Variants in SYNE1 observed in about 807,000 individuals in gnomAD.
SYNE1 encodes spectrin repeat containing nuclear envelope protein 1, also known as nesprin-1.
SYNE1 carries 616 observed loss-of-function variants against 1,111.0 expected under a neutral mutation model. That is an observed-to-expected ratio of 0.55 (90% CI 0.52 to 0.59). The LOEUF is 0.59. SYNE1 is among the 20% of genes least tolerant of loss of function. The pLI is 0.00. For missense variants in SYNE1, 10,006 were observed against 10,417.0 expected (o/e 0.96, Z 1.72); for synonymous variants, 3,855 against 3,825.8 (o/e 1.01, Z -0.28).
chr6:152,415,159 G>T (rs758089364), intron 41 of SYNE1, among the ~76,000 whole-genome samples: 62 of 152,138 alleles, frequency 4.1e-4, no homozygotes, highest in South Asian at 1.0e-3. Flanking sequence ...GAAAACAGGA[G>T]TCAGAAGGTT....
chr6:152,293,846 A>G, intron 94 of SYNE1, 97 bp from the exon 95 acceptor site: 1 of 1,607,656 alleles, frequency 6.2e-7, no homozygotes, highest in Non-Finnish European at 8.5e-7. Context: ...GTGGCCCAAC[A>G]TAGGGTACTC....
At chr6:152,500,408 T>A (rs1434103691) in intron 10 of SYNE1, among the ~76,000 whole-genome samples, 4 of 152,214 alleles carry the variant, frequency 2.6e-5, no homozygotes, top group Non-Finnish European at 5.9e-5. Flanking sequence ...TGGTGGCCAA[T>A]GTTTGTGCCC....
At position 152,358,362 on chromosome 6, in the gene SYNE1, G is replaced by A. The variant is rs375195021; in HGVS notation, c.10608+11C>T. 1.9e-6 allele frequency: 3 copies of A among 1,614,102 alleles called. No homozygotes were observed. Among genetic ancestry groups the A allele is most frequent in the Non-Finnish European group, 2.5e-6 (3 of 1,180,004 alleles). On this transcript the variant is annotated intron_variant, in intron 66 of 145. Coordinates refer to ENST00000367255, the MANE Select transcript of SYNE1 (RefSeq NM_182961.4). ...GAAGATTCCTTTGTTTTAGGATAAA[G>A]GAGGCCTTACCTGAAGATCACGCAA...
At position 152,536,398 on chromosome 6, in the gene SYNE1, A is replaced by ATATTACTATATATAGTTATATATATAT. The variant is rs71017541; in HGVS notation, c.129+3561_129+3562insATATATATATAACTATATATAGTAATA. 3.2e-3 allele frequency among the ~76,000 whole-genome samples: 419 copies of ATATTACTATATATAGTTATATATATAT among 129,354 alleles called. 1 individual carries two copies. Among genetic ancestry groups the ATATTACTATATATAGTTATATATATAT allele is most frequent in the Non-Finnish European group, 5.4e-3 (339 of 63,138 alleles). The allele number at this position is 129,354 out of a possible 152,430, so 84.9% of individuals were successfully genotyped here. A position where few individuals can be genotyped will look rare whatever the true frequency, so the allele number is the denominator to read the frequency against. On this transcript the variant is annotated intron_variant, in intron 4 of 145. Coordinates refer to ENST00000367255, the MANE Select transcript of SYNE1 (RefSeq NM_182961.4). Reference sequence around the variant, plus strand: ...TAGTAATATATATATATTTATATATATACTATATATAGTAATATATATATT... The same window carrying ATATTACTATATATAGTTATATATATAT: ...TAGTAATATATATATATTTATATATATATTACTATATATAGTTATATATATATTACTATATATAGTAATATATATATT...
chr6:152,162,025 T>C (rs1250792588), intron 131 of SYNE1, among the ~76,000 whole-genome samples: 1 of 152,106 alleles, frequency 6.6e-6, no homozygotes, highest in Non-Finnish European at 1.5e-5. Flanking sequence ...AAACCCAGAG[T>C]CCCTCTGGTT....
rs374862218 is a variant in SYNE1, at chr6:152,387,248, C to T, written c.8311G>A (p.Val2771Ile). 4.2e-5 allele frequency: 67 copies of T among 1,614,024 alleles called. No homozygotes were observed. In the African/African-American group the frequency reaches 6.3e-4, roughly 15 times the overall value. ...QPQPGLKEKFVLLDHLQSILS... is the reference protein window; with the variant it reads ...QPQPGLKEKFILLDHLQSILS... ...ATGGACTGGAGGTGGTCAAGCAGGA[C>T]GAACTTCTCTTTCAGACCTGGCTGT... The change falls in exon 54 of 146, where the codon GTC (valine) becomes ATC (isoleucine). Residue 2771 changes from valine (V) to isoleucine (I), a missense_variant. Transcript: ENST00000367255.
intron 63 of SYNE1, 122 bp from the exon 64 acceptor site, chr6:152,362,445 T>A: frequency 7.3e-7 from 1 of 1,377,236 alleles, no homozygotes; most frequent in Non-Finnish European, 1.0e-6. Flanking sequence ...AGAAGCTTGC[T>A]TGGGAGTGAG....
At chr6:152,616,393 T>C (rs768001146) in intron 3 of SYNE1, among the ~76,000 whole-genome samples, 21 of 152,054 alleles carry the variant, frequency 1.4e-4, no homozygotes, top group Non-Finnish European at 2.6e-4. Context: ...CACAGCATAG[T>C]GAGACCTCGT....
intron 142 of SYNE1, 106 bp from the exon 143 acceptor site, chr6:152,133,594 G>T: frequency 8.8e-7 from 1 of 1,132,240 alleles, no homozygotes; most frequent in Non-Finnish European, 1.3e-6. Flanking sequence ...AATTATACCT[G>T]AGCATCAAAC....
At chr6:152,451,851 T>C (rs2098653921) in intron 25 of SYNE1, among the ~76,000 whole-genome samples, 1 of 152,118 alleles carries the variant, frequency 6.6e-6, no homozygotes, top group Admixed American at 6.5e-5. Context: ...GTACAAAAGC[T>C]AGGATTTTAC....
At chr6:152,492,086 T>G (rs1029794452) in intron 11 of SYNE1, among the ~76,000 whole-genome samples, 5 of 152,184 alleles carry the variant, frequency 3.3e-5, no homozygotes, top group Admixed American at 3.3e-4. Context: ...AATCAGTTAG[T>G]GTTCAGGCTC....
At chr6:152,329,419 C>T (rs1225062232) in intron 78 of SYNE1, among the ~76,000 whole-genome samples, 5 of 152,190 alleles carry the variant, frequency 3.3e-5, no homozygotes, top group Non-Finnish European at 5.9e-5. Flanking sequence ...CCCAGCTACT[C>T]GGGAGGCTGA....
chr6:152,391,194 A>T, intron 52 of SYNE1, 83 bp downstream of exon 52: 1 of 1,596,324 alleles, frequency 6.3e-7, no homozygotes, highest in Non-Finnish European at 8.5e-7. Flanking sequence ...CTTACAGAAC[A>T]ATTAGGACAC....
intron 106 of SYNE1, among the ~76,000 whole-genome samples, chr6:152,242,788 A>G (rs774842519): frequency 1.3e-5 from 2 of 152,144 alleles, no homozygotes. Flanking sequence ...ACGGACAATA[A>G]AGCACAACGG....
At chr6:152,375,500 C>T (rs902512897) in intron 58 of SYNE1, among the ~76,000 whole-genome samples, 6 of 152,022 alleles carry the variant, frequency 3.9e-5, no homozygotes, top group African/African-American at 1.4e-4. Context: ...GTACGAAAAG[C>T]AATTTCAATA....
At chr6:152,459,796 A>C (rs901406440) in intron 21 of SYNE1, among the ~76,000 whole-genome samples, 3 of 152,216 alleles carry the variant, frequency 2.0e-5, no homozygotes, top group South Asian at 2.1e-4. Flanking sequence ...TATAAAGACA[A>C]TAATGTTCTA....
At position 152,122,328 on chromosome 6, in the gene SYNE1, A is replaced by G; in HGVS notation, c.*108T>C. On this transcript the variant is annotated 3_prime_UTR_variant, in exon 146 of 146. Transcript: ENST00000367255. ...TCTGGAGGAGGGCTAAAGCTGCCAC[A>G]CCGAGGGCTTTCGCCAAGATCAAGG... 6.3e-7 allele frequency: 1 copy of G among 1,586,458 alleles called. No individual in the cohort carries two copies. Among genetic ancestry groups the G allele is most frequent in the Non-Finnish European group, 8.6e-7 (1 of 1,158,786 alleles).
At chr6:152,627,623 C>A (rs901188602) in intron 3 of SYNE1, among the ~76,000 whole-genome samples, 1 of 152,096 alleles carries the variant, frequency 6.6e-6, no homozygotes, top group Non-Finnish European at 1.5e-5. Flanking sequence ...TGCTACTGCC[C>A]TCCAGCCTGG....
Position 152,628,196 on chromosome 6 carries a change from C to A in SYNE1, c.67+69G>T. On this transcript the variant is annotated intron_variant, in intron 3 of 145. Coordinates refer to ENST00000367255, the MANE Select transcript of SYNE1 (RefSeq NM_182961.4). The stretch of plus-strand genomic sequence containing the variant: ...CCATGAAATTGAGTAAAACCCCAAA[C>A]AAATTTAACTGATTGTGGGTTAAGA... The A allele has an allele frequency of 3.2e-6, 5 of 1,553,202 alleles. No individual in the cohort carries two copies. In the South Asian group the frequency reaches 5.6e-5, roughly 17 times the overall value.
Sources: gnomAD v4.1 joint callset for allele counts (sites outside exome capture counted in the v4.1 genomes callset) on GRCh38, gnomAD v4.1.1 for gene constraint, MANE v1.5 for transcripts, NCBI Gene and HGNC (gene_info 2026-07-23, HGNC 2026-07-21) for gene names.